TCP11: variants seen among roughly 807,000 people sequenced by gnomAD.
The protein encoded by TCP11 is t-complex 11.
TCP11 carries 34 observed loss-of-function variants against 45.0 expected under a neutral mutation model. That is an observed-to-expected ratio of 0.76 (90% confidence interval 0.57 to 1.01). The LOEUF (loss-of-function observed/expected upper bound fraction) is 1.01. Ranked by LOEUF, TCP11 falls within the 50% of genes least tolerant of loss-of-function variation. The pLI, the probability that TCP11 is intolerant of heterozygous loss-of-function variation, is 0.00. For missense variants in TCP11, 523 were observed against 598.1 expected, an observed-to-expected ratio of 0.87 and a Z score of 1.31; for synonymous variants, 227 against 227.0, an observed-to-expected ratio of 1.00 and a Z score of 0.00.
intron 4 of TCP11, among the ~76,000 whole-genome samples, chr6:35,126,632 T>C (rs967765765): frequency 2.0e-5 from 3 of 151,050 alleles, no homozygotes; most frequent in East Asian, 3.9e-4. Context: ...GGATGCAATA[T>C]ATGCTTTGAA....
In TCP11 at chr6:35,118,097, T is replaced by C. The variant is rs181202026; in HGVS notation, c.*172A>G. 7.8e-4 allele frequency: 480 copies of C among 618,574 alleles called. No homozygotes were observed. Among genetic ancestry groups the C allele is most frequent in the Non-Finnish European group, 1.3e-3 (439 of 347,278 alleles). 38.3% of individuals were successfully genotyped at this position (618,574 alleles called of 1,614,324 possible). A position where few individuals can be genotyped will look rare whatever the true frequency, so the allele number is the denominator to read the frequency against. ...TTCTTGCACTTAAGAAGTTTATTAA[T>C]GAATGGGTATGGACCAGTTGGTGTT... On this transcript the variant is annotated 3_prime_UTR_variant, in exon 10 of 10. Transcript: ENST00000311875.
rs767123947 is a variant in TCP11 at position 35,118,140 on chromosome 6, C to T, written c.*129G>A. The T allele has an allele frequency of 2.7e-6, 2 of 750,232 alleles. No homozygotes were observed. The highest frequency in any genetic ancestry group is 5.0e-5 in the Admixed American group (2 of 40,012). 46.5% of individuals were successfully genotyped at this position (750,232 alleles called of 1,614,324 possible). ...TTGGTGTTTACATGCTTGATCCCTA[C>T]AGCCTTGGTGTACTGGCTGCAGGGC... is the stretch of plus-strand genomic sequence containing the variant. On this transcript the variant is annotated 3_prime_UTR_variant, in exon 10 of 10. Transcript: ENST00000311875.
chr6:35,122,222 T>C lies in TCP11; in HGVS notation c.473A>G (p.Tyr158Cys), dbSNP rs139258646. ...CATGTTGAGAACGTACTTAGAGAGATAGAGGACTTTCAGGGCCCCATGTTC... is the reference window on the plus strand; with the variant it reads ...CATGTTGAGAACGTACTTAGAGAGACAGAGGACTTTCAGGGCCCCATGTTC... ...EAEHGALKVL[Y>C]LSKYVLNMMA... The change falls in exon 5 of 10, where the codon TAT (tyrosine) becomes TGT (cysteine). Residue 158 changes from tyrosine to cysteine, a missense_variant. Around this residue, in one of 2 missense-constraint regions of TCP11, gnomAD observed 225 missense variants for 210.2 expected, o/e 1.07. Transcript: ENST00000311875. 5.5e-4 allele frequency: 884 copies of C among 1,614,166 alleles called. 7 individuals are homozygous for C. The African/African-American group carries it at 1.0e-2, about 18-fold the overall frequency.
At chr6:35,123,643 TTTTC>T (rs1371569658) in intron 4 of TCP11, among the ~76,000 whole-genome samples, 7 of 129,528 alleles carry the variant, frequency 5.4e-5, no homozygotes, top group Admixed American at 2.6e-4. Context: ...TCCAGCTTAG[TTTTC>T]TTTCTTTTTT....
At chr6:35,123,102 A>G (rs893345735) in intron 4 of TCP11, among the ~76,000 whole-genome samples, 5 of 152,178 alleles carry the variant, frequency 3.3e-5, no homozygotes, top group Admixed American at 6.5e-5. Flanking sequence ...TTGTCAAAAG[A>G]GGGTGGTAAA....
intron 4 of TCP11, chr6:35,128,159 T>G (rs897580730): frequency 1.3e-5 from 2 of 152,140 alleles, no homozygotes; most frequent in Non-Finnish European, 2.9e-5. Flanking sequence ...GCAAGCAAAG[T>G]GTTAGCTGGG....
At position 35,136,018 on chromosome 6, in the gene TCP11, A is replaced by G; in HGVS notation, c.236+89T>C. 4 of 862,124 alleles carry G rather than the reference A, an allele frequency of 4.6e-6. No individual in the cohort carries two copies. The Middle Eastern group carries it at 9.1e-4, about 196-fold the overall frequency. The allele number at this position is 862,124 out of a possible 1,614,324, so 53.4% of individuals were successfully genotyped here. A position where few individuals can be genotyped will look rare whatever the true frequency, so the allele number is the denominator to read the frequency against. On this transcript the variant is annotated intron_variant, in intron 3 of 9. Transcript: ENST00000311875. ...GTTTAAATACTCATTGTATCATTAA[A>G]TAAAAATGCTTCAAGTCTGATCTGA... is the stretch of plus-strand genomic sequence containing the variant.
chr6:35,140,561 A>G, intron 2 of TCP11, 186 bp downstream of exon 2: 1 of 676,710 alleles, frequency 1.5e-6, no homozygotes, highest in Non-Finnish European at 2.7e-6. Context: ...TTCTTTCTCT[A>G]GAACCAAAAA....
rs1466045245 is a variant in TCP11, at chr6:35,141,267, G to T, written c.-77C>A. On this transcript the variant is annotated 5_prime_UTR_variant, in exon 1 of 10. Coordinates refer to ENST00000311875, the MANE Select transcript of TCP11 (RefSeq NM_001370687.1). ...GCTCGGTGGGCCTCGCGGCCTGGCG[G>T]CCTGGAGCGTACCACCGCGGCGGAG... 6 of 790,830 alleles carry T rather than the reference G, an allele frequency of 7.6e-6. No homozygotes were observed. The highest frequency in any genetic ancestry group is 1.0e-5 in the Non-Finnish European group (6 of 571,516). 49.0% of individuals were successfully genotyped at this position (790,830 alleles called of 1,614,324 possible).
At position 35,120,078 on chromosome 6, in the gene TCP11, A is replaced by G. The variant is rs1472102284; in HGVS notation, c.1115+81T>C. 1 of 1,518,166 alleles carries G rather than the reference A, an allele frequency of 6.6e-7. No homozygotes were observed. The highest frequency in any genetic ancestry group is 8.9e-7 in the Non-Finnish European group (1 of 1,122,792). The allele number at this position is 1,518,166 out of a possible 1,614,324, so 94.0% of individuals were successfully genotyped here. ...GGCCTTTCTGTGGTTTGTGGTAGAC[A>G]GTAAGCAATCGTTCATTACCTGCCT... On this transcript the variant is annotated intron_variant, in intron 8 of 9. Coordinates refer to ENST00000311875, the MANE Select transcript of TCP11 (RefSeq NM_001370687.1). The surrounding 1 kb of genome is among the most constrained non-coding windows in gnomAD (Gnocchi z 4.9).
chr6:35,136,344 C>G, intron 2 of TCP11, 126 bp from the exon 3 acceptor site: 1 of 643,108 alleles, frequency 1.6e-6, no homozygotes, highest in Non-Finnish European at 2.6e-6. Flanking sequence ...CCCAACTATT[C>G]TAGTGATTTA....
intron 4 of TCP11, among the ~76,000 whole-genome samples, chr6:35,122,884 T>G (rs772539328): frequency 1.3e-5 from 2 of 152,186 alleles, no homozygotes; most frequent in Non-Finnish European, 2.9e-5. Context: ...GAATATGGTG[T>G]TGTCATAGCA....
intron 2 of TCP11, among the ~76,000 whole-genome samples, chr6:35,136,582 T>C (rs1475406292): frequency 1.1e-5 from 1 of 88,728 alleles, no homozygotes; most frequent in Non-Finnish European, 2.3e-5. Context: ...CCACGTTCCT[T>C]TTCCTGTCTC....
Position 35,129,054 on chromosome 6 carries a change from T to A in TCP11, c.357+8A>T. On this transcript the variant is annotated splice_region_variant and intron_variant, in intron 4 of 9. Coordinates refer to ENST00000311875, the MANE Select transcript of TCP11 (RefSeq NM_001370687.1). ...AAACTTTACATTTACAAATGGAAGGTCACTCACCTCTTTAATTTCTTTCAG... is the reference window on the plus strand; with the variant it reads ...AAACTTTACATTTACAAATGGAAGGACACTCACCTCTTTAATTTCTTTCAG... 1 of 1,613,128 alleles carries A rather than the reference T, an allele frequency of 6.2e-7. No homozygotes were observed. The highest frequency in any genetic ancestry group is 8.5e-7 in the Non-Finnish European group (1 of 1,179,706).
chr6:35,122,034 G>A (rs2077750), intron 5 of TCP11, 83 bp downstream of exon 5: 220,187 of 1,330,192 alleles, frequency 0.17, 21,011 homozygotes, highest in Non-Finnish European at 0.19. Flanking sequence ...TGGTCAAGAC[G>A]ATGGCTATAA....
intron 1 of TCP11, 68 bp from the exon 2 acceptor site, chr6:35,140,952 C>T: frequency 4.0e-6 from 4 of 1,005,360 alleles, no homozygotes; most frequent in Non-Finnish European, 3.9e-6. Flanking sequence ...AAGGGGGTCC[C>T]TGGGGGCGGC....
Position 35,141,242 on chromosome 6 carries a change from G to C in TCP11, c.-52C>G. ...CGCCGCGGGTCATCCACTGGCGTCC[G>C]CTCGGTGGGCCTCGCGGCCTGGCGG... is the stretch of plus-strand genomic sequence containing the variant. On this transcript the variant is annotated 5_prime_UTR_variant, in exon 1 of 10. Coordinates refer to ENST00000311875, the MANE Select transcript of TCP11 (RefSeq NM_001370687.1). The C allele has an allele frequency of 7.4e-7, 1 of 1,349,194 alleles. No individual in the cohort carries two copies. Among genetic ancestry groups the C allele is most frequent in the Non-Finnish European group, 9.5e-7 (1 of 1,050,300 alleles). 83.6% of individuals were successfully genotyped at this position (1,349,194 alleles called of 1,614,324 possible). A position where few individuals can be genotyped will look rare whatever the true frequency, so the allele number is the denominator to read the frequency against.
intron 3 of TCP11, among the ~76,000 whole-genome samples, chr6:35,131,342 C>T (rs567187408): frequency 1.8e-4 from 27 of 151,880 alleles, no homozygotes; most frequent in Admixed American, 8.5e-4. Flanking sequence ...CCGAGGCGGG[C>T]GGATCACCTG....
intron 5 of TCP11, among the ~76,000 whole-genome samples, chr6:35,121,359 T>C (rs1186393122): frequency 1.3e-5 from 2 of 151,412 alleles, no homozygotes; most frequent in African/African-American, 4.9e-5. Context: ...CTTCAGGAAG[T>C]AGGATTATAG....
Sources: gnomAD v4.1 joint callset for allele counts (sites outside exome capture counted in the v4.1 genomes callset) on GRCh38, gnomAD v4.1.1 for gene constraint, gnomAD v4.1.1 regional missense constraint, Gnocchi (gnomAD v3.1) non-coding constraint, MANE v1.5 for transcripts, NCBI Gene and HGNC (gene_info 2026-07-23, HGNC 2026-07-21) for gene names.